CAST: variants seen among roughly 807,000 people sequenced by gnomAD.
CAST encodes the protein MIR583 host.
In CAST, 76 loss-of-function variants were observed where a neutral mutation model predicts 119.6. The ratio of observed to expected loss-of-function variants is 0.64; its 90% CI spans 0.53 to 0.77. The LOEUF (loss-of-function observed/expected upper bound fraction) is 0.77, where lower values mean the gene tolerates loss of function less well. CAST is among the 30% of genes least tolerant of loss of function. The pLI is 0.00. For missense variants in CAST, 953 were observed against 946.5 expected (o/e 1.01, Z -0.09); for synonymous variants, 319 against 331.6 (o/e 0.96, Z 0.41).
At chr5:96,757,880 G>A (rs1456607445) in intron 24 of CAST, among the ~76,000 whole-genome samples, 2 of 151,772 alleles carry the variant, frequency 1.3e-5, no homozygotes, top group Non-Finnish European at 2.9e-5. Context: ...TAGTAGAGAC[G>A]GGCTTTCACC....
chr5:96,311,422 C>A, the CAST span, among the ~76,000 whole-genome samples: 2 of 152,000 alleles, frequency 1.3e-5, no homozygotes, highest in Non-Finnish European at 2.9e-5. Context: ...TCTGTATATG[C>A]CTGTTAGGTC....
the CAST span, among the ~76,000 whole-genome samples, chr5:96,509,156 ATC>A: frequency 6.6e-6 from 1 of 152,244 alleles, no homozygotes; most frequent in African/African-American, 2.4e-5. Context: ...ACTTTAAATA[ATC>A]TCTGTCACAC....
the CAST span, among the ~76,000 whole-genome samples, chr5:95,975,729 T>A: frequency 6.6e-6 from 1 of 152,258 alleles, no homozygotes; most frequent in Non-Finnish European, 1.5e-5. Context: ...TTACACAATT[T>A]CCATTTCCAG....
chr5:96,005,912 T>G, the CAST span, among the ~76,000 whole-genome samples: 1 of 152,084 alleles, frequency 6.6e-6, no homozygotes, highest in Non-Finnish European at 1.5e-5. Flanking sequence ...GTACAGAAAA[T>G]AAAATTAGTT....
chr5:96,474,850 A>G, the CAST span, among the ~76,000 whole-genome samples: 1 of 152,184 alleles, frequency 6.6e-6, no homozygotes, highest in Non-Finnish European at 1.5e-5. Context: ...ATTGCCTTTG[A>G]ATAATGAGAT....
the CAST span, among the ~76,000 whole-genome samples, chr5:96,108,116 T>C: frequency 6.6e-6 from 1 of 152,062 alleles, no homozygotes; most frequent in Non-Finnish European, 1.5e-5. Context: ...ATTCTAGTTA[T>C]ACATTCTTCT....
chr5:96,410,283 G>C, the CAST span, among the ~76,000 whole-genome samples: 1 of 152,062 alleles, frequency 6.6e-6, no homozygotes, highest in Non-Finnish European at 1.5e-5. Context: ...TTCACCTCAG[G>C]GGACACTGAA....
the CAST span, among the ~76,000 whole-genome samples, chr5:96,485,111 G>A: frequency 1.6e-3 from 248 of 152,284 alleles, 2 homozygotes; most frequent in Non-Finnish European, 2.7e-3. Context: ...AGGTTCTGTG[G>A]AGCAGCTTCT....
At chr5:96,352,188 T>C in the CAST span, among the ~76,000 whole-genome samples, 1 of 152,202 alleles carries the variant, frequency 6.6e-6, no homozygotes, top group Non-Finnish European at 1.5e-5. Flanking sequence ...GTCTTTTTGG[T>C]CAGAAAGAAT....
chr5:96,049,843 T>G, the CAST span, among the ~76,000 whole-genome samples: 1 of 114,152 alleles, frequency 8.8e-6, no homozygotes, highest in Non-Finnish European at 1.7e-5. Context: ...GAACTGAGAT[T>G]AGAAGCATAG....
chr5:96,200,970 C>T, the CAST span, among the ~76,000 whole-genome samples: 6 of 152,212 alleles, frequency 3.9e-5, no homozygotes, highest in East Asian at 1.2e-3. Flanking sequence ...CACAGATTCA[C>T]ATCTACGTGT....
chr5:96,402,666 G>A, the CAST span, among the ~76,000 whole-genome samples: 8 of 152,064 alleles, frequency 5.3e-5, no homozygotes, highest in Non-Finnish European at 8.8e-5. Context: ...TGTTTTCTCC[G>A]GTTTCAGACT....
At chr5:96,425,484 A>G in the CAST span, among the ~76,000 whole-genome samples, 1 of 152,244 alleles carries the variant, frequency 6.6e-6, no homozygotes. Flanking sequence ...CTGAAGAATA[A>G]CTTTAACCAA....
the CAST span, chr5:96,247,692 A>G: frequency 6.6e-6 from 1 of 152,278 alleles, no homozygotes; most frequent in Non-Finnish European, 1.5e-5. Flanking sequence ...TCTCTACCAG[A>G]AAATCACTTG....
At chr5:96,669,791 G>A (rs1331813194) in intron 1 of CAST, among the ~76,000 whole-genome samples, 1 of 152,202 alleles carries the variant, frequency 6.6e-6, no homozygotes, top group Non-Finnish European at 1.5e-5. Flanking sequence ...GGGATGGTTT[G>A]AGGAGCGGAA....
At chr5:96,744,335 A>G (rs1321746079) in intron 16 of CAST, among the ~76,000 whole-genome samples, 1 of 152,220 alleles carries the variant, frequency 6.6e-6, no homozygotes, top group Non-Finnish European at 1.5e-5. Flanking sequence ...AGGCCTCATA[A>G]TTACGGTGGA....
At chr5:96,599,551 T>C (rs575509324) in intron 1 of CAST, among the ~76,000 whole-genome samples, 2 of 152,294 alleles carry the variant, frequency 1.3e-5, no homozygotes, top group South Asian at 4.1e-4. Context: ...TTCAGTTGCT[T>C]TGGGGGTCTT....
the CAST span, among the ~76,000 whole-genome samples, chr5:96,036,631 CTG>C: frequency 1.2e-4 from 18 of 152,248 alleles, no homozygotes; most frequent in Non-Finnish European, 2.2e-4. Flanking sequence ...TAATTGATAA[CTG>C]TTTTCAAGCT....
chr5:96,681,460 G>A (rs138980867), intron 2 of CAST, among the ~76,000 whole-genome samples: 6 of 151,774 alleles, frequency 4.0e-5, no homozygotes, highest in South Asian at 2.1e-4. Flanking sequence ...TGGGCCGGGC[G>A]CGGTGGCTCA....
Sources: gnomAD v4.1 joint callset for allele counts (sites outside exome capture counted in the v4.1 genomes callset) on GRCh38, gnomAD v4.1.1 for gene constraint, MANE v1.5 for transcripts, NCBI Gene and HGNC (gene_info 2026-07-23, HGNC 2026-07-21) for gene names.